Variants in LPIN1 observed in about 807,000 individuals in gnomAD.
LPIN1 encodes lipin 1, also known as phosphatidate phosphatase LPIN1.
LPIN1 carries 71 observed loss-of-function variants against 107.5 expected under a neutral mutation model. That is an observed-to-expected ratio of 0.66 (90% CI 0.55 to 0.80). The LOEUF (loss-of-function observed/expected upper bound fraction) is 0.80. LPIN1 is among the 30% of genes least tolerant of loss of function. The pLI is 0.00. For synonymous variants in LPIN1, 445 were observed against 452.6 expected (o/e 0.98, Z 0.21); for missense variants, 1,043 against 1,160.6 (o/e 0.90, Z 1.47).
intron 1 of LPIN1, among the ~76,000 whole-genome samples, chr2:11,693,336 G>T (rs1279332290): frequency 6.6e-6 from 1 of 151,856 alleles, no homozygotes; most frequent in Non-Finnish European, 1.5e-5. Flanking sequence ...CTGATCTGGA[G>T]ATCCCAGAAT....
At chr2:11,689,059 A>T (rs1409098646) in intron 1 of LPIN1, among the ~76,000 whole-genome samples, 1 of 152,242 alleles carries the variant, frequency 6.6e-6, no homozygotes, top group African/African-American at 2.4e-5. Flanking sequence ...AACACGACTT[A>T]TTCCAAATTT....
At chr2:11,813,876 T>G (rs1170382710) in intron 17 of LPIN1, among the ~76,000 whole-genome samples, 1 of 151,946 alleles carries the variant, frequency 6.6e-6, no homozygotes, top group Non-Finnish European at 1.5e-5. Context: ...ATCACGCCAC[T>G]GCGCTCCATC....
intron 1 of LPIN1, among the ~76,000 whole-genome samples, chr2:11,738,813 C>G (rs533880878): frequency 6.6e-6 from 1 of 152,308 alleles, no homozygotes; most frequent in South Asian, 2.1e-4. Context: ...GTTCAGAGAT[C>G]TGCAAGGAGT....
rs1381626079 is a variant in LPIN1, at chr2:11,826,304, T to C, written c.*1513T>C. On this transcript the variant is annotated 3_prime_UTR_variant, in exon 21 of 21. Transcript: ENST00000674199. ...TTGTAGTTGGTGGGCCCCGTTAGCATTGGATGCCTTTGCCAAATGGTTCAT... is the reference window on the plus strand; with the variant it reads ...TTGTAGTTGGTGGGCCCCGTTAGCACTGGATGCCTTTGCCAAATGGTTCAT... The C allele has an allele frequency of 3.9e-5, 6 of 152,720 alleles. No homozygotes were observed. Among genetic ancestry groups the C allele is most frequent in the African/African-American group, 1.4e-4 (6 of 41,570 alleles). 9.5% of individuals were successfully genotyped at this position (152,720 alleles called of 1,614,324 possible).
intron 19 of LPIN1, 61 bp downstream of exon 19, chr2:11,819,659 A>G: frequency 8.2e-7 from 1 of 1,212,770 alleles, no homozygotes. Flanking sequence ...GGTTGCTGTC[A>G]TCTGAAAGCC....
intron 17 of LPIN1, among the ~76,000 whole-genome samples, chr2:11,814,197 C>T (rs1680175577): frequency 6.6e-6 from 1 of 152,108 alleles, no homozygotes; most frequent in Non-Finnish European, 1.5e-5. Context: ...CTCTGGAGTC[C>T]TGGGAGCTGA....
intron 1 of LPIN1, among the ~76,000 whole-genome samples, chr2:11,748,859 A>G (rs1667367559): frequency 6.6e-6 from 1 of 152,030 alleles, no homozygotes; most frequent in African/African-American, 2.4e-5. Flanking sequence ...CAGCTTTTGG[A>G]GCATTTTGAG....
At chr2:11,782,068 A>G in intron 7 of LPIN1, 133 bp from the exon 8 acceptor site, 2 of 728,924 alleles carry the variant, frequency 2.7e-6, no homozygotes, top group Non-Finnish European at 4.9e-6. Context: ...TATAGAAATC[A>G]CCAGGTGATT....
intron 1 of LPIN1, among the ~76,000 whole-genome samples, chr2:11,710,236 A>G (rs180818078): frequency 8.5e-5 from 13 of 152,296 alleles, no homozygotes; most frequent in African/African-American, 3.1e-4. Context: ...CACCTTAGGG[A>G]TTACAACTTC....
At chr2:11,814,780 G>A (rs1237554401) in intron 17 of LPIN1, among the ~76,000 whole-genome samples, 2 of 152,154 alleles carry the variant, frequency 1.3e-5, no homozygotes, top group South Asian at 2.1e-4. Flanking sequence ...GCGCAGGCAG[G>A]TGAGCCAGTT....
intron 12 of LPIN1, among the ~76,000 whole-genome samples, chr2:11,790,697 A>T (rs1675567717): frequency 6.6e-6 from 1 of 152,226 alleles, no homozygotes; most frequent in Admixed American, 6.5e-5. Context: ...AGAGGCAGTT[A>T]CAACTTCACC....
chr2:11,723,020 G>A (rs536204174), upstream of LPIN1, among the ~76,000 whole-genome samples: 10 of 152,340 alleles, frequency 6.6e-5, no homozygotes, highest in South Asian at 2.1e-3. Context: ...GTAGGACTCT[G>A]CAGTGAACAC....
At chr2:11,790,237 A>G (rs561605871) in intron 12 of LPIN1, among the ~76,000 whole-genome samples, 1 of 152,358 alleles carries the variant, frequency 6.6e-6, no homozygotes, top group African/African-American at 2.4e-5. Flanking sequence ...AGGAAACAGA[A>G]TGACTAAAAG....
intron 1 of LPIN1, among the ~76,000 whole-genome samples, chr2:11,750,500 AG>A (rs2148576951): frequency 6.6e-6 from 1 of 152,364 alleles, no homozygotes; most frequent in South Asian, 2.1e-4. Context: ...ATATATACAA[AG>A]TCCCCTCTGG....
chr2:11,798,990 G>A (rs1350942781), intron 14 of LPIN1, among the ~76,000 whole-genome samples: 1 of 152,104 alleles, frequency 6.6e-6, no homozygotes, highest in Non-Finnish European at 1.5e-5. Context: ...CTTTTGTTTT[G>A]TTTTGTTGCT....
At chr2:11,768,062 C>G (rs1370384394) in intron 3 of LPIN1, among the ~76,000 whole-genome samples, 1 of 152,144 alleles carries the variant, frequency 6.6e-6, no homozygotes, top group Non-Finnish European at 1.5e-5. Context: ...ACTCAGCTCT[C>G]CTGGCTGGCT....
intron 17 of LPIN1, among the ~76,000 whole-genome samples, chr2:11,812,450 G>A (rs1430781956): frequency 6.6e-6 from 1 of 152,126 alleles, no homozygotes; most frequent in African/African-American, 2.4e-5. Context: ...GCATGGGGGA[G>A]GTCAAGGGAA....
rs1670688216 is a variant in LPIN1, at chr2:11,765,419, G to A, written c.-9-114G>A. On this transcript the variant is annotated intron_variant, in intron 1 of 20. Transcript: ENST00000674199. This position sits in a 1 kb window ranked among gnomAD's most constrained non-coding sequence, Gnocchi z 4.4. ...AGAACACATTCCGGAAATGAGAGGA[G>A]CTGAAAGTTGAGTGTGTAATCCACG... The A allele has an allele frequency of 3.1e-6, 3 of 971,002 alleles. No individual in the cohort carries two copies. Among genetic ancestry groups the A allele is most frequent in the South Asian group, 3.2e-5 (2 of 63,372 alleles). The allele number at this position is 971,002 out of a possible 1,614,324, so 60.1% of individuals were successfully genotyped here.
In LPIN1 at chr2:11,771,365, T is replaced by C; in HGVS notation, c.289-7T>C. The C allele has an allele frequency of 6.2e-7, 1 of 1,614,108 alleles. No individual in the cohort carries two copies. The highest frequency in any genetic ancestry group is 1.3e-5 in the African/African-American group (1 of 75,046). On this transcript the variant is annotated splice_region_variant and splice_polypyrimidine_tract_variant and intron_variant, in intron 3 of 20. Coordinates refer to ENST00000674199, the MANE Select transcript of LPIN1 (RefSeq NM_001349206.2). This position sits in a 1 kb window ranked among gnomAD's most constrained non-coding sequence, Gnocchi z 4.8. ...GGCTCTTTTTAGAAAATGTGTTCTTTTCTTAGGAAGTTATCCCTATGCACC... is the reference window on the plus strand; with the variant it reads ...GGCTCTTTTTAGAAAATGTGTTCTTCTCTTAGGAAGTTATCCCTATGCACC...
Sources: allele counts gnomAD v4.1 joint callset (sites outside exome capture counted in the v4.1 genomes callset), GRCh38; gene constraint gnomAD v4.1.1; non-coding constraint Gnocchi (gnomAD v3.1); transcripts MANE v1.5; gene names NCBI Gene and HGNC (gene_info 2026-07-23, HGNC 2026-07-21).